The following SCAPER variants were observed in gnomAD, a reference collection of about 807,000 sequenced individuals.
SCAPER encodes S phase cyclin A-associated protein in the endoplasmic reticulum.
Under a neutral mutation model 182.2 loss-of-function variants are expected in SCAPER, and 98 were observed. The observed-to-expected ratio is 0.54, with a 90% confidence interval of 0.46 to 0.64. The LOEUF is 0.64. SCAPER is among the 30% of genes least tolerant of loss of function. SCAPER has a pLI of 0.00. For synonymous variants in SCAPER, 605 were observed against 564.6 expected (o/e 1.07, Z -1.01); for missense variants, 1,432 against 1,690.0 (o/e 0.85, Z 2.68).
At chr15:76,390,534 A>G (rs971763031) in intron 27 of SCAPER, among the ~76,000 whole-genome samples, 2 of 152,178 alleles carry the variant, frequency 1.3e-5, no homozygotes, top group African/African-American at 2.4e-5. Context: ...GAATGGATGA[A>G]GGGGCAGTGA....
intron 21 of SCAPER, among the ~76,000 whole-genome samples, chr15:76,634,245 A>T (rs1440598682): frequency 6.6e-6 from 1 of 152,160 alleles, no homozygotes; most frequent in African/African-American, 2.4e-5. Context: ...CCTTTGCCCT[A>T]TGCAGCTCCC....
Position 76,582,610 on chromosome 15 carries a change from A to T in SCAPER, c.2712-8326T>A, listed in dbSNP as rs867049807. Among the ~76,000 whole-genome samples, 6 of 152,352 alleles carry T rather than the reference A, an allele frequency of 3.9e-5. No homozygotes were observed. In the South Asian group the frequency reaches 8.3e-4, roughly 21 times the overall value. On this transcript the variant is annotated intron_variant, in intron 22 of 31. Transcript: ENST00000563290. ...AATTGAAAAAGCAATCTTAAAACTT[A>T]TATAAAAGTACAGAAGACGCAAAAT... is the stretch of plus-strand genomic sequence containing the variant.
chr15:76,665,516 T>C (rs1429443450), intron 21 of SCAPER, 137 bp downstream of exon 21: 6 of 1,030,782 alleles, frequency 5.8e-6, no homozygotes, highest in Non-Finnish European at 8.1e-6. Flanking sequence ...AAAGTGGCTA[T>C]AAATTAGGCT....
In SCAPER at chr15:76,824,772, G is replaced by A. The variant is rs2067857575; in HGVS notation, c.393+16962C>T. Among the ~76,000 whole-genome samples the A allele has an allele frequency of 2.6e-5, 4 of 152,052 alleles. No homozygotes were observed. In the South Asian group the frequency reaches 8.3e-4, roughly 32 times the overall value. On this transcript the variant is annotated intron_variant, in intron 5 of 31. Coordinates refer to ENST00000563290, the MANE Select transcript of SCAPER (RefSeq NM_020843.4). The stretch of plus-strand genomic sequence containing the variant: ...TTTTAATATAATCTATTTGCAAAAA[G>A]AATACTTAATATCTTCACCAACCAA...
chr15:76,695,166 G>A (rs1003327273), intron 20 of SCAPER, among the ~76,000 whole-genome samples: 1 of 152,044 alleles, frequency 6.6e-6, no homozygotes, highest in Non-Finnish European at 1.5e-5. Flanking sequence ...GTAACTCTAA[G>A]GTCACTTTGC....
chr15:76,634,487 T>C (rs889041753), intron 21 of SCAPER, among the ~76,000 whole-genome samples: 1 of 152,190 alleles, frequency 6.6e-6, no homozygotes, highest in African/African-American at 2.4e-5. Context: ...AAAGAGGCTA[T>C]TGGAATTTTG....
chr15:76,488,018 C>T (rs748470629), intron 24 of SCAPER, among the ~76,000 whole-genome samples: 27 of 152,204 alleles, frequency 1.8e-4, no homozygotes, highest in Admixed American at 3.3e-4. Context: ...GATCTAGGAA[C>T]CTCTCCCCAT....
chr15:76,715,313 G>C (rs998902494), intron 17 of SCAPER, among the ~76,000 whole-genome samples: 1 of 152,030 alleles, frequency 6.6e-6, no homozygotes, highest in African/African-American at 2.4e-5. Context: ...GGATCCAAAG[G>C]CTCTACTGAC....
At chr15:76,713,993 CAA>C in intron 17 of SCAPER, among the ~76,000 whole-genome samples, 1 of 151,950 alleles carries the variant, frequency 6.6e-6, no homozygotes, top group South Asian at 2.1e-4. Flanking sequence ...CCAAATGTCT[CAA>C]AGAGGTAAAA....
At chr15:76,695,987 C>A (rs1401676620) in intron 20 of SCAPER, among the ~76,000 whole-genome samples, 14 of 152,178 alleles carry the variant, frequency 9.2e-5, no homozygotes, top group Non-Finnish European at 1.8e-4. Flanking sequence ...GGGAAAAAAA[C>A]CAGAAGATTT....
intron 23 of SCAPER, among the ~76,000 whole-genome samples, chr15:76,528,693 G>T (rs1301652264): frequency 6.6e-6 from 1 of 152,152 alleles, no homozygotes; most frequent in Non-Finnish European, 1.5e-5. Context: ...CTATAGGTTT[G>T]CCTTCCTCCA....
chr15:76,838,333 G>A (rs1167491814), intron 5 of SCAPER, among the ~76,000 whole-genome samples: 1 of 152,142 alleles, frequency 6.6e-6, no homozygotes, highest in African/African-American at 2.4e-5. Context: ...TCTCTTATAA[G>A]TGGGAGCTAA....
At chr15:76,843,281 CA>C (rs1402975900) in intron 4 of SCAPER, among the ~76,000 whole-genome samples, 1 of 152,054 alleles carries the variant, frequency 6.6e-6, no homozygotes, top group South Asian at 2.1e-4. Flanking sequence ...CTTTTATTTA[CA>C]AAGATTCCAG....
intron 17 of SCAPER, among the ~76,000 whole-genome samples, chr15:76,710,334 T>A (rs1227591877): frequency 6.6e-6 from 1 of 152,166 alleles, no homozygotes; most frequent in Non-Finnish European, 1.5e-5. Context: ...CCCCAACTTA[T>A]AATCGTTCAA....
At chr15:76,577,014 A>C (rs2047878312) in intron 22 of SCAPER, 1 of 152,102 alleles carries the variant, frequency 6.6e-6, no homozygotes, top group Non-Finnish European at 1.5e-5. Flanking sequence ...GAGCCAGTGA[A>C]CTTGGGAAGA....
intron 14 of SCAPER, among the ~76,000 whole-genome samples, chr15:76,755,561 C>A (rs1161844103): frequency 6.6e-6 from 1 of 152,126 alleles, no homozygotes; most frequent in Admixed American, 6.6e-5. Context: ...TTTCAACATG[C>A]TGTGTTAGGT....
At position 76,600,387 on chromosome 15, in the gene SCAPER, ATGTGTGTGTGTGTGTGTG is replaced by A. The variant is rs60494575; in HGVS notation, c.2711+21359_2711+21376del. Among the ~76,000 whole-genome samples the A allele has an allele frequency of 1.1e-4, 10 of 88,662 alleles. 2 individuals are homozygous for A. The highest frequency in any genetic ancestry group is 2.5e-4 in the African/African-American group (8 of 32,240). The allele number at this position is 88,662 out of a possible 152,430, so 58.2% of individuals were successfully genotyped here. On this transcript the variant is annotated intron_variant, in intron 22 of 31. Coordinates refer to ENST00000563290, the MANE Select transcript of SCAPER (RefSeq NM_020843.4). ...TAGCATACTTGGAAAGTGTGTGTAT[ATGTGTGTGTGTGTGTGTG>A]TGTGTGTGTGTGTGTGTGTGTGTGT...
At chr15:76,779,819 A>C (rs1429816642) in intron 8 of SCAPER, among the ~76,000 whole-genome samples, 1 of 152,228 alleles carries the variant, frequency 6.6e-6, no homozygotes, top group Non-Finnish European at 1.5e-5. Flanking sequence ...AAATATACCA[A>C]TATATAAACA....
chr15:76,566,626 C>T (rs760847244), intron 23 of SCAPER, among the ~76,000 whole-genome samples: 1 of 152,036 alleles, frequency 6.6e-6, no homozygotes, highest in African/African-American at 2.4e-5. Context: ...AAATACAGAT[C>T]GCATTCACTT....
Sources: allele counts gnomAD v4.1 joint callset (sites outside exome capture counted in the v4.1 genomes callset), GRCh38; gene constraint gnomAD v4.1.1; transcripts MANE v1.5; gene names NCBI Gene and HGNC (gene_info 2026-07-23, HGNC 2026-07-21).